The following RAB3B variants were observed in gnomAD, a reference collection of about 807,000 sequenced individuals.
RAB3B encodes RAB3B, member RAS oncogene family.
RAB3B carries 11 observed loss-of-function variants against 20.5 expected under a neutral mutation model. The ratio of observed to expected loss-of-function variants is 0.54; its 90% confidence interval spans 0.34 to 0.89. The LOEUF (loss-of-function observed/expected upper bound fraction) is 0.89. Among genes scored for constraint, RAB3B ranks in the 40% least tolerant of loss-of-function variants. The probability of loss-of-function intolerance (pLI) is 0.02; values close to 1 mark genes in which losing one functional copy is unlikely to be tolerated. For missense variants in RAB3B, 225 were observed against 280.9 expected, an observed-to-expected ratio of 0.80 and a Z score of 1.42; for synonymous variants, 99 against 106.3, an observed-to-expected ratio of 0.93 and a Z score of 0.42.
chr1:51,916,754 C>G lies in RAB3B; in HGVS notation c.*3173G>C, dbSNP rs1684091455. On this transcript the variant is annotated 3_prime_UTR_variant, in exon 5 of 5. Transcript: ENST00000371655. ...AAGCACTGGGCATTTTCTACCCAGGCCCATGGGATCTGTTGCCTCAGAGAC... is the reference window on the plus strand; with the variant it reads ...AAGCACTGGGCATTTTCTACCCAGGGCCATGGGATCTGTTGCCTCAGAGAC... The G allele has an allele frequency of 6.6e-6, 1 of 152,224 alleles. No individual in the cohort carries two copies. Among genetic ancestry groups the G allele is most frequent in the Non-Finnish European group, 1.5e-5 (1 of 68,042 alleles). The allele number at this position is 152,224 out of a possible 1,614,324, so 9.4% of individuals were successfully genotyped here.
chr1:51,942,484 T>C (rs1684507342), intron 2 of RAB3B, among the ~76,000 whole-genome samples: 1 of 152,194 alleles, frequency 6.6e-6, no homozygotes, highest in Admixed American at 6.5e-5. Context: ...CATATAGTCT[T>C]GAGGTTAAGA....
At chr1:51,978,262 A>C (rs986092127) in intron 1 of RAB3B, among the ~76,000 whole-genome samples, 2 of 152,240 alleles carry the variant, frequency 1.3e-5, no homozygotes, top group Admixed American at 6.5e-5. Context: ...TGAATTCATC[A>C]CAGTCACTTC....
intron 2 of RAB3B, among the ~76,000 whole-genome samples, chr1:51,966,274 A>G (rs1224170165): frequency 1.3e-5 from 2 of 152,238 alleles, no homozygotes; most frequent in Admixed American, 1.3e-4. Context: ...GAGACCTGCA[A>G]TGATTTTCCC....
chr1:51,943,528 G>T (rs1368184154), intron 2 of RAB3B, among the ~76,000 whole-genome samples: 1 of 152,222 alleles, frequency 6.6e-6, no homozygotes, highest in Non-Finnish European at 1.5e-5. Flanking sequence ...GGCATGCCAA[G>T]AACTGAGATG....
At chr1:51,964,167 A>G (rs1416395200) in intron 2 of RAB3B, among the ~76,000 whole-genome samples, 1 of 152,126 alleles carries the variant, frequency 6.6e-6, no homozygotes, top group Non-Finnish European at 1.5e-5. Flanking sequence ...TACTCCACCA[A>G]AACAACTTGT....
At chr1:51,945,889 G>A (rs1684558078) in intron 2 of RAB3B, among the ~76,000 whole-genome samples, 1 of 152,188 alleles carries the variant, frequency 6.6e-6, no homozygotes, top group Non-Finnish European at 1.5e-5. Flanking sequence ...TCAGCAATGT[G>A]ATTTTGGACT....
In RAB3B at chr1:51,913,872, G is replaced by T. The variant is rs1318537362; in HGVS notation, c.*6055C>A. 1 of 152,208 alleles carries T rather than the reference G, an allele frequency of 6.6e-6. No homozygotes were observed. Among genetic ancestry groups the T allele is most frequent in the Non-Finnish European group, 1.5e-5 (1 of 68,064 alleles). The allele number at this position is 152,208 out of a possible 1,614,324, so 9.4% of individuals were successfully genotyped here. On this transcript the variant is annotated 3_prime_UTR_variant, in exon 5 of 5. Transcript: ENST00000371655. ...GAAACAGAGCTTGAAAAGTGCTTCT[G>T]TGTTGGATCTTGCCCTCTCTTGCTT...
intron 4 of RAB3B, among the ~76,000 whole-genome samples, chr1:51,921,675 G>A (rs1684174205): frequency 6.6e-6 from 1 of 152,120 alleles, no homozygotes. Context: ...TGTCAAATAA[G>A]ACAAACAACA....
At position 51,916,699 on chromosome 1, in the gene RAB3B, A is replaced by T. The variant is rs1352099656; in HGVS notation, c.*3228T>A. The T allele has an allele frequency of 1.3e-5, 2 of 152,224 alleles. No homozygotes were observed. The highest frequency in any genetic ancestry group is 2.9e-5 in the Non-Finnish European group (2 of 68,036). The allele number at this position is 152,224 out of a possible 1,614,324, so 9.4% of individuals were successfully genotyped here. ...GATAAGTGTTGCCTGGCAGAGGCAGATACAGGGAAAGCCAGCACTTGGGAC... is the reference window on the plus strand; with the variant it reads ...GATAAGTGTTGCCTGGCAGAGGCAGTTACAGGGAAAGCCAGCACTTGGGAC... On this transcript the variant is annotated 3_prime_UTR_variant, in exon 5 of 5. Transcript: ENST00000371655.
At position 51,973,543 on chromosome 1, in the gene RAB3B, G is replaced by A. The variant is rs374677266; in HGVS notation, c.228+3347C>T. The stretch of plus-strand genomic sequence containing the variant: ...ATTAGATTATCATTGATTTTACCTC[G>A]AAACGTGGCTGACAATGAACTTGTG... On this transcript the variant is annotated intron_variant, in intron 2 of 4. Coordinates refer to ENST00000371655, the MANE Select transcript of RAB3B (RefSeq NM_002867.4). The A allele has an allele frequency of 2.6e-5, 4 of 152,228 alleles. No homozygotes were observed. In the East Asian group the frequency reaches 5.8e-4, roughly 22 times the overall value. 9.4% of individuals were successfully genotyped at this position (152,228 alleles called of 1,614,324 possible).
At chr1:51,946,966 G>A (rs779854397) in intron 2 of RAB3B, among the ~76,000 whole-genome samples, 2 of 152,138 alleles carry the variant, frequency 1.3e-5, no homozygotes, top group Non-Finnish European at 2.9e-5. Context: ...CCAGGATGCC[G>A]TTTACGTCAT....
At chr1:51,960,544 G>T (rs911091395) in intron 2 of RAB3B, among the ~76,000 whole-genome samples, 3 of 152,100 alleles carry the variant, frequency 2.0e-5, no homozygotes, top group Admixed American at 1.3e-4. Context: ...GCAACGGTGT[G>T]GGGGAAGGAG....
chr1:51,986,419 G>A (rs1685152728), intron 1 of RAB3B, among the ~76,000 whole-genome samples: 1 of 151,944 alleles, frequency 6.6e-6, no homozygotes, highest in African/African-American at 2.4e-5. Context: ...CAAAGTGCTG[G>A]GATTACAGGC....
intron 4 of RAB3B, among the ~76,000 whole-genome samples, chr1:51,927,178 A>G (rs1053986405): frequency 1.3e-5 from 2 of 152,166 alleles, no homozygotes; most frequent in African/African-American, 4.8e-5. Context: ...ACACAGATTT[A>G]TTGAGCACCT....
intron 2 of RAB3B, among the ~76,000 whole-genome samples, chr1:51,955,006 C>T (rs1684688981): frequency 6.6e-6 from 1 of 152,210 alleles, no homozygotes; most frequent in Admixed American, 6.5e-5. Context: ...TAGGGCCTAT[C>T]ACCCGGAAGA....
intron 2 of RAB3B, among the ~76,000 whole-genome samples, chr1:51,958,880 G>A (rs564472586): frequency 1.8e-4 from 28 of 152,376 alleles, no homozygotes; most frequent in African/African-American, 6.3e-4. Context: ...GGCACTGCAA[G>A]TGCAGAGAGA....
chr1:51,915,679 T>TTTG lies in RAB3B; in HGVS notation c.*4245_*4247dup, dbSNP rs201360454. 1 of 103,890 alleles carries TTTG rather than the reference T, an allele frequency of 9.6e-6. No individual in the cohort carries two copies. The highest frequency in any genetic ancestry group is 2.8e-5 in the African/African-American group (1 of 35,200). The allele number at this position is 103,890 out of a possible 1,614,324, so 6.4% of individuals were successfully genotyped here. A position where few individuals can be genotyped will look rare whatever the true frequency, so the allele number is the denominator to read the frequency against. On this transcript the variant is annotated 3_prime_UTR_variant, in exon 5 of 5. Transcript: ENST00000371655. ...CGTCTTTAGAAGTCAAGAGGTGTTTTTTGTTGTTGTTGTTTGTTTGCTTGT... is the reference window on the plus strand; with the variant it reads ...CGTCTTTAGAAGTCAAGAGGTGTTTTTTGTTGTTGTTGTTGTTTGTTTGCTTGT...
chr1:51,979,367 T>C (rs985630411), intron 1 of RAB3B, among the ~76,000 whole-genome samples: 2 of 150,442 alleles, frequency 1.3e-5, no homozygotes, highest in African/African-American at 4.9e-5. Flanking sequence ...GCCCCCTGAG[T>C]TCAAGCGATT....
chr1:51,935,206 A>C (rs1684381140), intron 3 of RAB3B, among the ~76,000 whole-genome samples: 1 of 152,172 alleles, frequency 6.6e-6, no homozygotes, highest in Non-Finnish European at 1.5e-5. Flanking sequence ...ACCTAACTCA[A>C]CCCTAACTGC....
Sources: gnomAD v4.1 joint callset for allele counts (sites outside exome capture counted in the v4.1 genomes callset) on GRCh38, gnomAD v4.1.1 for gene constraint, MANE v1.5 for transcripts, NCBI Gene and HGNC (gene_info 2026-07-23, HGNC 2026-07-21) for gene names.